Variants in NTMT1 observed in about 807,000 individuals in gnomAD.
The protein encoded by NTMT1 is N-terminal RCC1 methyltransferase.
In NTMT1, 8 loss-of-function variants were observed where a neutral mutation model predicts 17.5. The observed-to-expected ratio is 0.46, with a 90% CI of 0.27 to 0.82. NTMT1 has a LOEUF of 0.82. Among genes scored for constraint, NTMT1 ranks in the 40% least tolerant of loss-of-function variants. The pLI, the probability that NTMT1 is intolerant of heterozygous loss-of-function variation, is 0.15. For synonymous variants in NTMT1, 128 were observed against 126.8 expected (o/e 1.01, Z -0.06); for missense variants, 221 against 303.5 (o/e 0.73, Z 2.02).
Position 129,620,130 on chromosome 9 carries a change from T to A in NTMT1, c.-55+10952T>A, listed in dbSNP as rs529361671. 2 of 1,457,702 alleles carry A rather than the reference T, an allele frequency of 1.4e-6. No individual in the cohort carries two copies. The highest frequency in any genetic ancestry group is 2.8e-5 in the Admixed American group (1 of 35,618). 90.3% of individuals were successfully genotyped at this position (1,457,702 alleles called of 1,614,324 possible). ...TGGTGCAGGAACTCACGGAACCTGC[T>A]GGGGAGGAGCTCTCCTAGGAAGGCG... On this transcript the variant is annotated intron_variant, in intron 1 of 3. Transcript: ENST00000372486. The surrounding 1 kb of genome is among the most constrained non-coding windows in gnomAD (Gnocchi z 5.8).
chr9:129,618,670 A>C (rs1338749529), intron 1 of NTMT1, among the ~76,000 whole-genome samples: 2 of 151,692 alleles, frequency 1.3e-5, no homozygotes, highest in African/African-American at 4.8e-5. Flanking sequence ...TGGGAGTTTT[A>C]TTTTTTATTT....
At chr9:129,619,888 TG>T (rs1180996176) in intron 1 of NTMT1, 8 of 1,579,472 alleles carry the variant, frequency 5.1e-6, no homozygotes, top group Admixed American at 3.4e-5. Context: ...TTTCTAGTCA[TG>T]TGGCCTCGGG....
chr9:129,634,791 G>A (rs1831424912), intron 3 of NTMT1: 1 of 256,052 alleles, frequency 3.9e-6, no homozygotes, highest in Non-Finnish European at 7.6e-6. Flanking sequence ...GACACTCTAG[G>A]TCTGGCCTTG....
rs765687757 is a variant in NTMT1, at chr9:129,635,205, C to T, written c.416-3C>T. ...CTGGTAACCTTGCCTCTGCCCTCCCCAGGCCACCTCACCGATCAGCACCTG... is the reference window on the plus strand; with the variant it reads ...CTGGTAACCTTGCCTCTGCCCTCCCTAGGCCACCTCACCGATCAGCACCTG... On this transcript the variant is annotated splice_region_variant and splice_polypyrimidine_tract_variant and intron_variant, in intron 3 of 3. Transcript: ENST00000372483. 5.0e-6 allele frequency: 8 copies of T among 1,606,276 alleles called. No homozygotes were observed. Among genetic ancestry groups the T allele is most frequent in the Non-Finnish European group, 5.9e-6 (7 of 1,178,850 alleles).
chr9:129,627,314 C>T (rs944826530), intron 1 of NTMT1, among the ~76,000 whole-genome samples: 1 of 152,148 alleles, frequency 6.6e-6, no homozygotes, highest in African/African-American at 2.4e-5. Flanking sequence ...TTTGAGTCTG[C>T]TGGCTTGGCC....
In NTMT1 at chr9:129,635,541, A is replaced by G; in HGVS notation, c.*77A>G. 1 of 1,514,986 alleles carries G rather than the reference A, an allele frequency of 6.6e-7. No homozygotes were observed. Among genetic ancestry groups the G allele is most frequent in the South Asian group, 1.2e-5 (1 of 80,198 alleles). 93.8% of individuals were successfully genotyped at this position (1,514,986 alleles called of 1,614,324 possible). ...GGCAGCTGGGCAAGATCCAGGCGCC[A>G]CGCTGGCGGTTCGTGAGTGTCGAGG... On this transcript the variant is annotated 3_prime_UTR_variant, in exon 4 of 4. Coordinates refer to ENST00000372483, the MANE Select transcript of NTMT1 (RefSeq NM_014064.4).
intron 1 of NTMT1, among the ~76,000 whole-genome samples, chr9:129,630,697 C>T (rs943724950): frequency 6.6e-6 from 1 of 152,230 alleles, no homozygotes; most frequent in Non-Finnish European, 1.5e-5. Flanking sequence ...TACGATTTGT[C>T]AACTTTGGCG....
intron 1 of NTMT1, among the ~76,000 whole-genome samples, chr9:129,632,266 T>C (rs905545238): frequency 2.0e-5 from 3 of 151,982 alleles, no homozygotes; most frequent in African/African-American, 7.3e-5. Context: ...CTTTGTAACA[T>C]AGTGAGACCC....
At position 129,620,404 on chromosome 9, in the gene NTMT1, G is replaced by GC. The variant is rs1423916757; in HGVS notation, c.-55+11232dup. On this transcript the variant is annotated intron_variant, in intron 1 of 3. Coordinates refer to the NTMT1 transcript ENST00000372486. The surrounding 1 kb of genome is among the most constrained non-coding windows in gnomAD (Gnocchi z 5.8). ...CCCCTTCCGGCCACCACGCGGCGCC[G>GC]CCCCCCGGGATCCTCCAGTCCCCGG... The GC allele has an allele frequency of 5.7e-6, 7 of 1,236,236 alleles. No individual in the cohort carries two copies. The highest frequency in any genetic ancestry group is 6.4e-5 in the East Asian group (2 of 31,472). The allele number at this position is 1,236,236 out of a possible 1,614,324, so 76.6% of individuals were successfully genotyped here. A position where few individuals can be genotyped will look rare whatever the true frequency, so the allele number is the denominator to read the frequency against.
chr9:129,625,249 T>G (rs1830851232), upstream of NTMT1, among the ~76,000 whole-genome samples: 1 of 152,216 alleles, frequency 6.6e-6, no homozygotes, highest in Non-Finnish European at 1.5e-5. Context: ...GCCACGCTTT[T>G]GGAATGGAAA....
At chr9:129,616,182 C>G (rs756565768) in intron 1 of NTMT1, among the ~76,000 whole-genome samples, 1 of 152,066 alleles carries the variant, frequency 6.6e-6, no homozygotes, top group South Asian at 2.1e-4. Flanking sequence ...TCTGCAGGAC[C>G]CAGAGGAAAC....
chr9:129,615,591 G>A (rs766245699), intron 1 of NTMT1: 11 of 1,605,506 alleles, frequency 6.9e-6, no homozygotes, highest in African/African-American at 2.7e-5. Context: ...GCCTTCCCCC[G>A]AGGGGTTGTG....
At chr9:129,619,140 A>G (rs1830544165) in intron 1 of NTMT1, among the ~76,000 whole-genome samples, 2 of 152,196 alleles carry the variant, frequency 1.3e-5, no homozygotes, top group African/African-American at 2.4e-5. Flanking sequence ...TCATGGGTCC[A>G]TGATAGATTA....
chr9:129,619,775 C>T (rs139103205), intron 1 of NTMT1: 8 of 1,614,048 alleles, frequency 5.0e-6, no homozygotes, highest in East Asian at 2.2e-5. Context: ...TGGGACACCG[C>T]GGAGACCCTG....
At chr9:129,622,825 C>T (rs781430996), upstream of NTMT1, among the ~76,000 whole-genome samples, 11 of 152,082 alleles carry the variant, frequency 7.2e-5, no homozygotes, top group South Asian at 2.1e-4. Context: ...CTCAGGAGTT[C>T]GCAATCAGCC....
At chr9:129,622,600 T>A (rs930000639), upstream of NTMT1, among the ~76,000 whole-genome samples, 1 of 152,170 alleles carries the variant, frequency 6.6e-6, no homozygotes, top group African/African-American at 2.4e-5. Context: ...TGTGTGTGTA[T>A]ACTATGAAAC....
chr9:129,627,400 T>G (rs1830952857), intron 1 of NTMT1, among the ~76,000 whole-genome samples: 2 of 152,244 alleles, frequency 1.3e-5, no homozygotes, highest in African/African-American at 4.8e-5. Context: ...TTTTCCCATT[T>G]GATCCTCATA....
chr9:129,628,535 C>G (rs1831001261), intron 1 of NTMT1: 1 of 152,184 alleles, frequency 6.6e-6, no homozygotes, highest in Non-Finnish European at 1.5e-5. Flanking sequence ...GGACTTTTGT[C>G]TGTAGGATTT....
chr9:129,611,912 C>G (rs1830122514), intron 1 of NTMT1, among the ~76,000 whole-genome samples: 1 of 151,962 alleles, frequency 6.6e-6, no homozygotes, highest in Non-Finnish European at 1.5e-5. Flanking sequence ...AGCACCACGC[C>G]CAGCTATTTT....
Sources: gnomAD v4.1 joint callset for allele counts (sites outside exome capture counted in the v4.1 genomes callset) on GRCh38, gnomAD v4.1.1 for gene constraint, Gnocchi (gnomAD v3.1) non-coding constraint, MANE v1.5 for transcripts, NCBI Gene and HGNC (gene_info 2026-07-23, HGNC 2026-07-21) for gene names.